Variants in PLA1A observed in about 807,000 individuals in gnomAD.
PLA1A encodes the protein phosphatidylserine-specific phospholipase A1alpha.
Under a neutral mutation model 49.4 loss-of-function variants are expected in PLA1A, and 47 were observed. That is an observed-to-expected ratio of 0.95 (90% CI 0.75 to 1.21). The LOEUF (loss-of-function observed/expected upper bound fraction) is 1.21. PLA1A is among the 50% of genes most tolerant of loss of function. The pLI is 0.00. For synonymous variants in PLA1A, 224 were observed against 207.9 expected (o/e 1.08, Z -0.67); for missense variants, 561 against 563.9 (o/e 0.99, Z 0.05).
rs560439423 is a variant in PLA1A at position 119,629,751 on chromosome 3, C to T, written c.*283C>T. The stretch of plus-strand genomic sequence containing the variant: ...TCCTTGGGCATTCGTACTTAGGATT[C>T]AATAGAAACATGTACAGGGTAAACA... On this transcript the variant is annotated 3_prime_UTR_variant, in exon 11 of 11. Transcript: ENST00000273371. The T allele has an allele frequency of 7.5e-5, 29 of 389,238 alleles. No individual in the cohort carries two copies. In the South Asian group the frequency reaches 2.0e-3, roughly 27 times the overall value. The allele number at this position is 389,238 out of a possible 1,614,324, so 24.1% of individuals were successfully genotyped here. A position where few individuals can be genotyped will look rare whatever the true frequency, so the allele number is the denominator to read the frequency against.
intron 9 of PLA1A, among the ~76,000 whole-genome samples, chr3:119,628,321 C>T (rs111612080): frequency 8.4e-4 from 128 of 152,340 alleles, no homozygotes; most frequent in African/African-American, 2.8e-3. Flanking sequence ...AGTCCTTACA[C>T]AGAATTCTTT....
chr3:119,616,088 C>T lies in PLA1A; in HGVS notation c.741C>T (p.Thr247=), dbSNP rs1216586336. ...GCCAAGACCAACCTGGCTGCCCCAC[C>T]TTCTTTTACGCAGGTCAGAAAGCCA... ...NGGQDQPGCP[T]FFYAGYSYLI... Residue 247 remains threonine, a synonymous_variant, in exon 6 of 11, where the codon ACC becomes ACT. Coordinates refer to ENST00000273371, the MANE Select transcript of PLA1A (RefSeq NM_015900.4). 1.2e-6 allele frequency: 2 copies of T among 1,610,300 alleles called. No individual in the cohort carries two copies. Among genetic ancestry groups the T allele is most frequent in the Non-Finnish European group, 8.5e-7 (1 of 1,176,500 alleles).
chr3:119,600,779 A>G (rs575004373), intron 1 of PLA1A, among the ~76,000 whole-genome samples: 9 of 152,348 alleles, frequency 5.9e-5, no homozygotes, highest in African/African-American at 2.2e-4. Context: ...TGATGCCTCA[A>G]TCCACAGGTC....
chr3:119,610,941 C>T (rs1037364154), intron 4 of PLA1A, among the ~76,000 whole-genome samples: 1 of 152,054 alleles, frequency 6.6e-6, no homozygotes, highest in Non-Finnish European at 1.5e-5. Flanking sequence ...TTTTACAGTT[C>T]GAGGTCTTAC....
chr3:119,610,228 G>T (rs2082747348), intron 4 of PLA1A, among the ~76,000 whole-genome samples: 1 of 152,102 alleles, frequency 6.6e-6, no homozygotes, highest in Non-Finnish European at 1.5e-5. Flanking sequence ...TCTACCATTG[G>T]TTGGCACCTG....
chr3:119,608,390 T>A (rs761900408), intron 2 of PLA1A, among the ~76,000 whole-genome samples: 16 of 152,340 alleles, frequency 1.1e-4, no homozygotes, highest in Middle Eastern at 3.4e-3. Flanking sequence ...AGGGCATATT[T>A]CTTTTCCACA....
chr3:119,606,821 G>T lies in PLA1A; in HGVS notation c.121G>T (p.Ala41Ser). Residue 41 changes from alanine (A) to serine (S), a missense_variant, in exon 2 of 11, where the codon GCC becomes TCC. By Grantham distance (99) the Ala-to-Ser change is moderately conservative. Transcript: ENST00000273371. ...PQPKCADFQS[A>S]NLFEGTDLKV... ...GCCAAAGTGCGCTGACTTCCAGAGCGCCAACCTTTTTGAAGGCACCGATCT... is the reference window on the plus strand; with the variant it reads ...GCCAAAGTGCGCTGACTTCCAGAGCTCCAACCTTTTTGAAGGCACCGATCT... 1.9e-6 allele frequency: 3 copies of T among 1,614,090 alleles called. No homozygotes were observed. The highest frequency in any genetic ancestry group is 2.5e-6 in the Non-Finnish European group (3 of 1,179,998).
intron 1 of PLA1A, among the ~76,000 whole-genome samples, chr3:119,606,080 C>T (rs1317556680): frequency 6.6e-6 from 1 of 152,180 alleles, no homozygotes; most frequent in Non-Finnish European, 1.5e-5. Context: ...TTTGGCTGCC[C>T]AGGGTTCTAT....
At chr3:119,614,257 A>G (rs181312698) in intron 5 of PLA1A, among the ~76,000 whole-genome samples, 3 of 152,280 alleles carry the variant, frequency 2.0e-5, no homozygotes, top group East Asian at 3.9e-4. Flanking sequence ...AGGAAACCAA[A>G]GCCCACAGGC....
At chr3:119,618,219 A>G in intron 7 of PLA1A, 33 bp downstream of exon 7, 1 of 1,566,502 alleles carries the variant, frequency 6.4e-7, no homozygotes, top group Non-Finnish European at 8.7e-7. Context: ...TCCTTTGACA[A>G]TGTGGGGAAG....
At chr3:119,629,049 C>T (rs1312869878) in intron 10 of PLA1A, among the ~76,000 whole-genome samples, 184 bp downstream of exon 10, 1 of 152,166 alleles carries the variant, frequency 6.6e-6, no homozygotes, top group Non-Finnish European at 1.5e-5. Flanking sequence ...GGGGAAATTC[C>T]ACTGTATTTG....
In PLA1A at chr3:119,626,921, G is replaced by T. The variant is rs553666650; in HGVS notation, c.1121+1689G>T. On this transcript the variant is annotated intron_variant, in intron 9 of 10. Transcript: ENST00000273371. ...CTCAAGGTTGTGCTACTTCTAGAAGGGTGTTTTCATCATCTTCTAGCCCAT... is the reference window on the plus strand; with the variant it reads ...CTCAAGGTTGTGCTACTTCTAGAAGTGTGTTTTCATCATCTTCTAGCCCAT... Among the ~76,000 whole-genome samples the T allele has an allele frequency of 2.0e-5, 3 of 152,226 alleles. No individual in the cohort carries two copies. In the South Asian group the frequency reaches 6.2e-4, roughly 32 times the overall value.
rs879371298 is a variant in PLA1A at position 119,625,308 on chromosome 3, C to G, written c.1121+76C>G. The G allele has an allele frequency of 1.7e-5, 16 of 933,334 alleles. No individual in the cohort carries two copies. The Admixed American group carries it at 2.9e-4, about 17-fold the overall frequency. 57.8% of individuals were successfully genotyped at this position (933,334 alleles called of 1,614,324 possible). A position where few individuals can be genotyped will look rare whatever the true frequency, so the allele number is the denominator to read the frequency against. ...TTTTCATTTTACACACATGGACATC[C>G]CAGGTCAGGGACTGTGTGATTGCTG... On this transcript the variant is annotated intron_variant, in intron 9 of 10. Coordinates refer to ENST00000273371, the MANE Select transcript of PLA1A (RefSeq NM_015900.4).
chr3:119,606,842 G>A lies in PLA1A; in HGVS notation c.142G>A (p.Asp48Asn), dbSNP rs527683151. Reference sequence around the variant, plus strand: ...GAGCGCCAACCTTTTTGAAGGCACCGATCTCAAAGTCCAGTTTCTCCTCTT... The same window carrying A: ...GAGCGCCAACCTTTTTGAAGGCACCAATCTCAAAGTCCAGTTTCTCCTCTT... The part of the protein sequence containing the change: ...FQSANLFEGT[D>N]LKVQFLLFVP... Residue 48 changes from aspartate (D) to asparagine (N), a missense_variant, in exon 2 of 11, where the codon GAT (aspartate) becomes AAT (asparagine). Asp to Asn is a conservative substitution (Grantham distance 23, BLOSUM62 1). Transcript: ENST00000273371. The A allele has an allele frequency of 5.6e-6, 9 of 1,614,146 alleles. No individual in the cohort carries two copies. The highest frequency in any genetic ancestry group is 2.2e-5 in the East Asian group (1 of 44,880).
chr3:119,599,456 G>A (rs1296561662), intron 1 of PLA1A, among the ~76,000 whole-genome samples: 1 of 152,092 alleles, frequency 6.6e-6, no homozygotes, highest in Non-Finnish European at 1.5e-5. Flanking sequence ...AGGAGCCCCA[G>A]GCCTCCTTAG....
At chr3:119,610,925 T>C (rs1381027800) in intron 4 of PLA1A, among the ~76,000 whole-genome samples, 2 of 152,214 alleles carry the variant, frequency 1.3e-5, no homozygotes, top group East Asian at 1.9e-4. Flanking sequence ...GATTTTCTTC[T>C]AGGATTTTTA....
rs148896506 is a variant in PLA1A, at chr3:119,619,158, C to A, written c.923-405C>A. 2.8e-4 allele frequency among the ~76,000 whole-genome samples: 42 copies of A among 152,298 alleles called. No individual in the cohort carries two copies. The East Asian group carries it at 7.7e-3, about 28-fold the overall frequency. On this transcript the variant is annotated intron_variant, in intron 7 of 10. Coordinates refer to ENST00000273371, the MANE Select transcript of PLA1A (RefSeq NM_015900.4). ...GCCTTGGTCCTAACCATACTCTCTT[C>A]CCAGAATGCCCTCTCTCCACCTGTC...
intron 8 of PLA1A, among the ~76,000 whole-genome samples, chr3:119,623,717 CTTTT>C (rs35309675): frequency 0.012 from 1,202 of 101,456 alleles, 3 homozygotes; most frequent in Non-Finnish European, 0.017. Flanking sequence ...TTCTCTCTTT[CTTTT>C]TTTTTTTTTT....
chr3:119,603,110 G>T (rs1577135638), intron 1 of PLA1A, among the ~76,000 whole-genome samples: 1 of 152,120 alleles, frequency 6.6e-6, no homozygotes, highest in African/African-American at 2.4e-5. Context: ...TAGGACTTCA[G>T]GTTTCAATCT....
Sources: gnomAD v4.1 joint callset for allele counts (sites outside exome capture counted in the v4.1 genomes callset) on GRCh38, gnomAD v4.1.1 for gene constraint, MANE v1.5 for transcripts, NCBI Gene and HGNC (gene_info 2026-07-23, HGNC 2026-07-21) for gene names.